The following NICOL1 variants were observed in gnomAD, a reference collection of about 807,000 sequenced individuals.
NICOL1 encodes NELL2 interacting cell ontogeny regulator 1.
chr4:2,042,029 G>T, the NICOL1 span: 3 of 1,474,768 alleles, frequency 2.0e-6, no homozygotes, highest in South Asian at 3.9e-5. Flanking sequence ...AACGTCTGCC[G>T]GTGTCCCCGC....
the NICOL1 span, chr4:2,042,305 G>T: frequency 2.8e-6 from 2 of 708,044 alleles, no homozygotes; most frequent in East Asian, 3.5e-5. Flanking sequence ...GGCGGGCGCC[G>T]CTGACCCCTC....
the NICOL1 span, among the ~76,000 whole-genome samples, chr4:2,037,731 T>C: frequency 1.3e-5 from 2 of 152,218 alleles, no homozygotes; most frequent in African/African-American, 4.8e-5. Flanking sequence ...AGTTATGTTA[T>C]GATAAATTAA....
chr4:2,038,262 T>G, the NICOL1 span, among the ~76,000 whole-genome samples: 2 of 70,142 alleles, frequency 2.9e-5, no homozygotes, highest in South Asian at 8.2e-4. Flanking sequence ...TATATATATA[T>G]ATATATATAT....
At chr4:2,038,253 A>G in the NICOL1 span, among the ~76,000 whole-genome samples, 31 of 63,160 alleles carry the variant, frequency 4.9e-4, 1 homozygote, top group African/African-American at 1.6e-3. Flanking sequence ...ATATATATAT[A>G]TATATATATA....
the NICOL1 span, among the ~76,000 whole-genome samples, chr4:2,040,549 C>T: frequency 1.3e-5 from 2 of 152,156 alleles, no homozygotes; most frequent in Non-Finnish European, 2.9e-5. Context: ...CAGCGCGGGG[C>T]TACCCCTCTA....
At chr4:2,041,584 C>T in the NICOL1 span, 3 of 176,674 alleles carry the variant, frequency 1.7e-5, no homozygotes, top group Admixed American at 1.9e-4. Flanking sequence ...GCCGATCCCC[C>T]AGACCAGCTC....
the NICOL1 span, among the ~76,000 whole-genome samples, chr4:2,038,237 GTATATATATA>G: frequency 2.9e-3 from 267 of 91,456 alleles, 2 homozygotes; most frequent in South Asian, 8.5e-3. Flanking sequence ...TGATCAGTGT[GTATATATATA>G]TATATATATA....
At chr4:2,041,203 G>A in the NICOL1 span, among the ~76,000 whole-genome samples, 7 of 151,612 alleles carry the variant, frequency 4.6e-5, no homozygotes, top group South Asian at 1.5e-3. Context: ...GCCTTCTGAG[G>A]AGGCCACCGC....
the NICOL1 span, among the ~76,000 whole-genome samples, chr4:2,036,800 G>A: frequency 1.3e-5 from 2 of 152,166 alleles, no homozygotes; most frequent in Non-Finnish European, 2.9e-5. Context: ...AAGTTTGGAA[G>A]AATGGGGAGA....
chr4:2,040,148 C>T, the NICOL1 span, among the ~76,000 whole-genome samples: 1 of 151,898 alleles, frequency 6.6e-6, no homozygotes, highest in South Asian at 2.1e-4. Flanking sequence ...ACTCTGTGGC[C>T]CAGGCTGGAG....
At chr4:2,038,062 T>C in the NICOL1 span, among the ~76,000 whole-genome samples, 2 of 151,412 alleles carry the variant, frequency 1.3e-5, no homozygotes, top group South Asian at 4.2e-4. Flanking sequence ...TTATTTGACC[T>C]ATGTGTTATT....
chr4:2,042,900 C>G, the NICOL1 span: 1,083 of 1,027,682 alleles, frequency 1.1e-3, 2 homozygotes, highest in Middle Eastern at 7.6e-3. Flanking sequence ...GGAAGAGGCC[C>G]CCTGCGGGAG....
chr4:2,038,285 A>ATATATATATATATATATATAT, the NICOL1 span, among the ~76,000 whole-genome samples: 1 of 121,560 alleles, frequency 8.2e-6, no homozygotes, highest in African/African-American at 3.0e-5. Context: ...ATATATATAT[A>ATATATATATATATATATATAT]AAATTAAAAT....
the NICOL1 span, among the ~76,000 whole-genome samples, chr4:2,039,554 G>A: frequency 5.3e-5 from 8 of 152,120 alleles, no homozygotes; most frequent in Non-Finnish European, 1.0e-4. Context: ...TTAAACTTAG[G>A]CCAGGTGCAG....
chr4:2,041,825 G>A, the NICOL1 span: 1 of 664,324 alleles, frequency 1.5e-6, no homozygotes. Context: ...CCTCTAGACT[G>A]CATCCGCCAT....
the NICOL1 span, among the ~76,000 whole-genome samples, chr4:2,037,010 G>A: frequency 1.3e-5 from 2 of 152,212 alleles, no homozygotes; most frequent in Non-Finnish European, 2.9e-5. Flanking sequence ...GGAGGGGCCT[G>A]GTGGGAGGGA....
chr4:2,040,827 G>A, the NICOL1 span, among the ~76,000 whole-genome samples: 2 of 152,160 alleles, frequency 1.3e-5, no homozygotes, highest in Admixed American at 6.5e-5. Context: ...GCAGTCACGG[G>A]CACGCTTCCC....
the NICOL1 span, among the ~76,000 whole-genome samples, chr4:2,043,584 A>G: frequency 3.3e-5 from 5 of 152,022 alleles, no homozygotes; most frequent in African/African-American, 1.2e-4. Context: ...GGAGTGGGGG[A>G]CAGTGGACCC....
At chr4:2,036,797 G>C in the NICOL1 span, among the ~76,000 whole-genome samples, 1 of 152,150 alleles carries the variant, frequency 6.6e-6, no homozygotes, top group African/African-American at 2.4e-5. Flanking sequence ...AGCAAGTTTG[G>C]AAGAATGGGG....
Sources: allele counts gnomAD v4.1 joint callset (sites outside exome capture counted in the v4.1 genomes callset), GRCh38; gene constraint gnomAD v4.1.1; transcripts MANE v1.5; gene names NCBI Gene and HGNC (gene_info 2026-07-23, HGNC 2026-07-21).